DRC7: variants seen among roughly 807,000 people sequenced by gnomAD.
The protein encoded by DRC7 is dynein regulatory complex subunit 7.
Under a neutral mutation model 104.4 loss-of-function variants are expected in DRC7, and 80 were observed. The ratio of observed to expected loss-of-function variants is 0.77; its 90% CI spans 0.64 to 0.92. DRC7 has a LOEUF of 0.92. Ranked by LOEUF, DRC7 falls within the 40% of genes least tolerant of loss-of-function variation. The pLI, the probability that DRC7 is intolerant of heterozygous loss-of-function variation, is 0.00. For synonymous variants in DRC7, 405 were observed against 447.3 expected, an observed-to-expected ratio of 0.91 and a Z score of 1.19; for missense variants, 1,034 against 1,141.1, an observed-to-expected ratio of 0.91 and a Z score of 1.35.
At chr16:57,723,750 C>A in intron 12 of DRC7, among the ~76,000 whole-genome samples, 1 of 150,404 alleles carries the variant, frequency 6.6e-6, no homozygotes, top group African/African-American at 2.4e-5. Flanking sequence ...AAAATCCTGA[C>A]CAAGAAATTT....
At chr16:57,701,904 C>G (rs751919420) in intron 5 of DRC7, 32 bp from the exon 6 acceptor site, 8 of 1,596,640 alleles carry the variant, frequency 5.0e-6, no homozygotes, top group African/African-American at 1.3e-5. Flanking sequence ...GCAGCGGGGC[C>G]CCAGCTGTGC....
chr16:57,728,500 G>T lies in DRC7; in HGVS notation c.2307G>T (p.Ala769=). The part of the protein sequence containing the change: ...PPGEKLTCWQ[A]VRLKDECLSD... Reference sequence around the variant, plus strand: ...GAGAGAAACTAACATGCTGGCAGGCGGTGCGCCTCAAGGATGAGTGCCTCA... The same window carrying T: ...GAGAGAAACTAACATGCTGGCAGGCTGTGCGCCTCAAGGATGAGTGCCTCA... The change falls in exon 17 of 19, where the codon GCG becomes GCT. Residue 769 remains alanine (A), a synonymous_variant. Transcript: ENST00000360716. 6.2e-7 allele frequency: 1 copy of T among 1,612,114 alleles called. No homozygotes were observed. The highest frequency in any genetic ancestry group is 8.5e-7 in the Non-Finnish European group (1 of 1,179,674).
chr16:57,724,620 T>A lies in DRC7; in HGVS notation c.1543T>A (p.Ser515Thr). The stretch of plus-strand genomic sequence containing the variant: ...AACTCCCGCTCCCCACCCAGTGCAC[T>A]CGTACAAGTCCATGCAACCTGAGAT... ...PGHPQALRVH[S>T]YKSMQPEMDR... Residue 515 changes from serine (S) to threonine (T), a missense_variant, in exon 13 of 19, where the codon TCG becomes ACG. Physicochemically the swap from Ser to Thr is moderately conservative, Grantham distance 58 (BLOSUM62 1). Transcript: ENST00000360716. 6.2e-7 allele frequency: 1 copy of A among 1,608,192 alleles called. No homozygotes were observed. Among genetic ancestry groups the A allele is most frequent in the Non-Finnish European group, 8.5e-7 (1 of 1,175,436 alleles).
intron 15 of DRC7, 29 bp downstream of exon 15, chr16:57,726,971 G>A (rs777391232): frequency 7.1e-7 from 1 of 1,401,254 alleles, no homozygotes; most frequent in Non-Finnish European, 1.0e-6. Flanking sequence ...GTGAGCAGGT[G>A]GGCGGTATCT....
At chr16:57,725,792 C>A in intron 13 of DRC7, 1 of 454,456 alleles carries the variant, frequency 2.2e-6, no homozygotes, top group Non-Finnish European at 4.0e-6. Context: ...GAGTAGGCTG[C>A]CTGGAGAGGT....
chr16:57,716,629 G>T (rs528273570), intron 8 of DRC7, among the ~76,000 whole-genome samples: 187 of 151,964 alleles, frequency 1.2e-3, no homozygotes, highest in African/African-American at 2.6e-3. Flanking sequence ...ACTCTCCTCT[G>T]CTGTGCCCCC....
At chr16:57,726,585 T>G in intron 14 of DRC7, 1 of 556,310 alleles carries the variant, frequency 1.8e-6, no homozygotes. Context: ...TCTCACTACC[T>G]CTGAGGGGCT....
chr16:57,731,141 C>G, intron 18 of DRC7, 24 bp from the exon 19 acceptor site: 1 of 1,613,746 alleles, frequency 6.2e-7, no homozygotes, highest in Non-Finnish European at 8.5e-7. Context: ...CCCTCACCCT[C>G]TTTCCTTGCC....
At chr16:57,719,841 A>G (rs2923137) in intron 9 of DRC7, among the ~76,000 whole-genome samples, 22,081 of 152,170 alleles carry the variant, frequency 0.15, 2,067 homozygotes, top group East Asian at 0.25. Context: ...GCCCACTCTA[A>G]TGAACTCATT....
chr16:57,702,753 G>C (rs1487783226), intron 6 of DRC7, among the ~76,000 whole-genome samples: 1 of 152,186 alleles, frequency 6.6e-6, no homozygotes, highest in African/African-American at 2.4e-5. Context: ...AGTGAACTGA[G>C]ATTGCGCCAT....
In DRC7 at chr16:57,707,616, G is replaced by A. The variant is rs745561928; in HGVS notation, c.1015G>A (p.Glu339Lys). 74 of 1,613,386 alleles carry A rather than the reference G, an allele frequency of 4.6e-5. No individual in the cohort carries two copies. Among genetic ancestry groups the A allele is most frequent in the East Asian group, 2.7e-4 (12 of 44,888 alleles). The part of the protein sequence containing the change: ...STQDEHFLGI[E>K]SLWNHKNYWI... ...CCAGGATGAGCACTTCCTGGGCATC[G>A]AAAGCCTGTGGAACCACAAGAACTA... The change falls in exon 8 of 19, where the codon GAA (glutamate) becomes AAA (lysine). Residue 339 changes from glutamate (E) to lysine (K), a missense_variant. Physicochemically the swap from Glu to Lys is moderately conservative, Grantham distance 56. Coordinates refer to ENST00000360716, the MANE Select transcript of DRC7 (RefSeq NM_001289162.2).
intron 5 of DRC7, 68 bp from the exon 6 acceptor site, chr16:57,701,868 G>A (rs1410802229): frequency 7.1e-6 from 10 of 1,399,918 alleles, no homozygotes; most frequent in African/African-American, 1.4e-5. Context: ...GTGGTGGGCT[G>A]TGACCGGTGG....
intron 17 of DRC7, among the ~76,000 whole-genome samples, chr16:57,730,000 G>A (rs1359175085): frequency 1.5e-4 from 21 of 140,510 alleles, no homozygotes; most frequent in Admixed American, 5.7e-4. Context: ...TTGGATGGGC[G>A]AGTGGATAGA....
intron 5 of DRC7, 48 bp downstream of exon 5, chr16:57,700,318 T>C (rs749452815): frequency 1.3e-6 from 2 of 1,574,022 alleles, no homozygotes; most frequent in Non-Finnish European, 1.7e-6. Context: ...AGGACTAAGA[T>C]GGTGTGAGAA....
At chr16:57,706,273 C>T (rs1174300044) in intron 7 of DRC7, among the ~76,000 whole-genome samples, 2 of 136,116 alleles carry the variant, frequency 1.5e-5, no homozygotes, top group Admixed American at 1.5e-4. Context: ...ACTATCCATC[C>T]TCCCATCCAT....
intron 8 of DRC7, among the ~76,000 whole-genome samples, chr16:57,709,097 C>G (rs2048764641): frequency 6.7e-6 from 1 of 149,964 alleles, no homozygotes. Flanking sequence ...TCACTGCACT[C>G]CAGCCTGGGC....
chr16:57,695,629 C>A (rs572175669), intron 1 of DRC7, among the ~76,000 whole-genome samples: 42 of 152,352 alleles, frequency 2.8e-4, no homozygotes, highest in African/African-American at 1.0e-3. Flanking sequence ...AGGTTCTCCC[C>A]TGAGGATCTG....
intron 8 of DRC7, chr16:57,713,950 T>C (rs1241989548): frequency 2.6e-5 from 5 of 193,646 alleles, no homozygotes; most frequent in Non-Finnish European, 4.4e-5. Flanking sequence ...ATTGCCAGCA[T>C]TGATGGGAGG....
In DRC7 at chr16:57,707,762, TG is replaced by T. The variant is rs2048748925; in HGVS notation, c.1077+88del. 5 of 1,293,486 alleles carry T rather than the reference TG, an allele frequency of 3.9e-6. No individual in the cohort carries two copies. In the East Asian group the frequency reaches 1.2e-4, roughly 32 times the overall value. 80.1% of individuals were successfully genotyped at this position (1,293,486 alleles called of 1,614,324 possible). A position where few individuals can be genotyped will look rare whatever the true frequency, so the allele number is the denominator to read the frequency against. ...GAGGGAAGCAATGGCAGCCAGACCT[TG>T]GGGAGAGCGAGACACCAGGCCACGA... On this transcript the variant is annotated intron_variant, in intron 8 of 18. Transcript: ENST00000360716.
Sources: gnomAD v4.1 joint callset for allele counts (sites outside exome capture counted in the v4.1 genomes callset) on GRCh38, gnomAD v4.1.1 for gene constraint, MANE v1.5 for transcripts, NCBI Gene and HGNC (gene_info 2026-07-23, HGNC 2026-07-21) for gene names.